SLC4A10: variants seen among roughly 807,000 people sequenced by gnomAD.
SLC4A10 encodes the protein sodium-driven chloride bicarbonate exchanger.
Under a neutral mutation model 137.7 loss-of-function variants are expected in SLC4A10, and 42 were observed. The observed-to-expected ratio is 0.30, with a 90% CI of 0.24 to 0.39. SLC4A10 has a LOEUF of 0.39. SLC4A10 is among the 10% of genes least tolerant of loss of function. The pLI, the probability that SLC4A10 is intolerant of heterozygous loss-of-function variation, is 1.00. For missense variants in SLC4A10, 925 were observed against 1,355.0 expected (o/e 0.68, Z 4.98); for synonymous variants, 474 against 464.1 (o/e 1.02, Z -0.27).
chr2:161,687,799 G>A (rs1400617033), intron 1 of SLC4A10, among the ~76,000 whole-genome samples: 1 of 152,112 alleles, frequency 6.6e-6, no homozygotes, highest in African/African-American at 2.4e-5. Context: ...CAAGTGTCTG[G>A]CATTTCCCCT....
intron 1 of SLC4A10, among the ~76,000 whole-genome samples, chr2:161,733,260 G>A (rs796182323): frequency 2.6e-5 from 4 of 152,144 alleles, no homozygotes; most frequent in Non-Finnish European, 5.9e-5. Context: ...AAGTGGTTTC[G>A]TGGGCTGTCC....
chr2:161,773,316 G>A (rs554792169), intron 2 of SLC4A10, among the ~76,000 whole-genome samples: 2 of 151,690 alleles, frequency 1.3e-5, no homozygotes, highest in Non-Finnish European at 2.9e-5. Flanking sequence ...TTCCCATTGG[G>A]CCCCACCTCA....
At chr2:161,776,433 A>T (rs13420505) in intron 2 of SLC4A10, among the ~76,000 whole-genome samples, 39,523 of 151,838 alleles carry the variant, frequency 0.26, 7,567 homozygotes, top group African/African-American at 0.55. Context: ...ACTTTAGATA[A>T]TTCATGCAAA....
chr2:161,935,617 G>C (rs140038110), intron 15 of SLC4A10, among the ~76,000 whole-genome samples: 1 of 152,058 alleles, frequency 6.6e-6, no homozygotes, highest in Non-Finnish European at 1.5e-5. Context: ...TTATTCCTAA[G>C]TATTTGAAAT....
chr2:161,786,823 A>C lies in SLC4A10; in HGVS notation c.130+15769A>C, dbSNP rs760401177. On this transcript the variant is annotated intron_variant, in intron 2 of 26. Coordinates refer to ENST00000446997, the MANE Select transcript of SLC4A10 (RefSeq NM_001178015.2). ...AAAAGAGTATACTCTTTTCTGTTCA[A>C]AGTTTATGCTTTATGACATAAAAGA... Among the ~76,000 whole-genome samples, 63 of 150,580 alleles carry C rather than the reference A, an allele frequency of 4.2e-4. 1 individual carries two copies. The highest frequency in any genetic ancestry group is 6.8e-4 in the Non-Finnish European group (46 of 67,536).
At chr2:161,979,418 T>C (rs896633011) in intron 26 of SLC4A10, among the ~76,000 whole-genome samples, 2 of 152,258 alleles carry the variant, frequency 1.3e-5, no homozygotes, top group Non-Finnish European at 2.9e-5. Flanking sequence ...ACTTGTTTCT[T>C]ATTCTTTAAA....
intron 3 of SLC4A10, among the ~76,000 whole-genome samples, chr2:161,819,026 C>A (rs1374875736): frequency 6.6e-6 from 1 of 152,008 alleles, no homozygotes; most frequent in East Asian, 1.9e-4. Flanking sequence ...CTTTTTCTAT[C>A]GATTGGAATT....
intron 19 of SLC4A10, among the ~76,000 whole-genome samples, chr2:161,954,795 C>T (rs1213629818): frequency 1.3e-5 from 2 of 151,954 alleles, no homozygotes. Flanking sequence ...AAATTATTTC[C>T]TCTGAAAGAA....
chr2:161,976,103 A>G (rs954609390), intron 24 of SLC4A10, among the ~76,000 whole-genome samples: 2 of 152,224 alleles, frequency 1.3e-5, no homozygotes, highest in African/African-American at 4.8e-5. Flanking sequence ...AGAATACCAC[A>G]GGCCAACTCA....
intron 1 of SLC4A10, among the ~76,000 whole-genome samples, chr2:161,707,471 T>A (rs2043804296): frequency 6.6e-6 from 1 of 151,396 alleles, no homozygotes; most frequent in Admixed American, 6.6e-5. Flanking sequence ...GTCTTTTTTT[T>A]TTTTGGTTTG....
intron 4 of SLC4A10, among the ~76,000 whole-genome samples, chr2:161,845,057 C>T (rs2059407643): frequency 1.3e-5 from 2 of 152,058 alleles, no homozygotes; most frequent in African/African-American, 4.8e-5. Context: ...TATTTGAAAA[C>T]TGGAACAAAT....
At chr2:161,720,326 C>T (rs1003046003) in intron 1 of SLC4A10, among the ~76,000 whole-genome samples, 24 of 152,078 alleles carry the variant, frequency 1.6e-4, no homozygotes, top group Admixed American at 3.3e-4. Context: ...AGTCAGGTAG[C>T]GTGATGCCTC....
rs72327926 is a variant in SLC4A10, at chr2:161,834,660, TACACACACACACAC to T, written c.278-5101_278-5088del. On this transcript the variant is annotated intron_variant, in intron 3 of 26. Transcript: ENST00000446997. ...CATCAGGGAAAGATCCTTTATCGCC[TACACACACACACAC>T]ACACACACACACACACACACACACA... 1.1e-3 allele frequency among the ~76,000 whole-genome samples: 152 copies of T among 141,002 alleles called. No homozygotes were observed. In the Middle Eastern group the frequency reaches 0.011, roughly 10 times the overall value. 92.5% of individuals were successfully genotyped at this position (141,002 alleles called of 152,430 possible). A position where few individuals can be genotyped will look rare whatever the true frequency, so the allele number is the denominator to read the frequency against.
At chr2:161,964,907 C>T (rs920214415) in intron 22 of SLC4A10, 144 bp from the exon 23 acceptor site, 19 of 550,614 alleles carry the variant, frequency 3.5e-5, no homozygotes, top group African/African-American at 3.3e-4. Context: ...GAAGACTAGA[C>T]AATGTTTTAT....
intron 4 of SLC4A10, 27 bp downstream of exon 4, chr2:161,839,954 G>GTA: frequency 6.2e-7 from 1 of 1,608,820 alleles, no homozygotes; most frequent in South Asian, 1.1e-5. Context: ...AAGGGTGAAG[G>GTA]TATACTAAAG....
chr2:161,661,121 G>T (rs537267906), intron 1 of SLC4A10, among the ~76,000 whole-genome samples: 1 of 151,956 alleles, frequency 6.6e-6, no homozygotes, highest in Non-Finnish European at 1.5e-5. Flanking sequence ...GTTCATTAGG[G>T]TCTTCCAATT....
Position 161,804,557 on chromosome 2 carries a change from A to T in SLC4A10, c.239A>T (p.Asp80Val). Residue 80 changes from aspartate (D) to valine (V), a missense_variant, in exon 3 of 27, where the codon GAT becomes GTT. By Grantham distance (152) the Asp-to-Val change is radical. Around this residue, in one of 11 missense-constraint regions of SLC4A10, gnomAD observed 138 missense variants for 171.3 expected, o/e 0.81. Coordinates refer to ENST00000446997, the MANE Select transcript of SLC4A10 (RefSeq NM_001178015.2). ...HKHRKRDRERDSGLEDGRESP... is the reference protein window; with the variant it reads ...HKHRKRDRERVSGLEDGRESP... ...CACAGAAAGAGAGACAGAGAAAGAG[A>T]TTCAGGATTAGAGGATGGAAGGGAG... 1 of 1,612,952 alleles carries T rather than the reference A, an allele frequency of 6.2e-7. No individual in the cohort carries two copies. Among genetic ancestry groups the T allele is most frequent in the South Asian group, 1.1e-5 (1 of 90,974 alleles).
chr2:161,836,532 GAAAGAA>G (rs1382210318), intron 3 of SLC4A10, among the ~76,000 whole-genome samples: 3 of 9,066 alleles, frequency 3.3e-4, no homozygotes, highest in South Asian at 7.8e-3. Flanking sequence ...GAGAGAGAGA[GAAAGAA>G]AGAAAGAAAG....
intron 1 of SLC4A10, among the ~76,000 whole-genome samples, chr2:161,682,994 A>T (rs548327803): frequency 2.9e-4 from 44 of 152,114 alleles, no homozygotes; most frequent in African/African-American, 1.0e-3. Flanking sequence ...TATATAACAT[A>T]AACATTTATA....
Sources: allele counts gnomAD v4.1 joint callset (sites outside exome capture counted in the v4.1 genomes callset), GRCh38; gene constraint gnomAD v4.1.1; regional missense constraint gnomAD v4.1.1; transcripts MANE v1.5; gene names NCBI Gene and HGNC (gene_info 2026-07-23, HGNC 2026-07-21).